GRAMD1C: variants seen among roughly 807,000 people sequenced by gnomAD.
GRAMD1C encodes the protein GRAM domain containing 1C.
Under a neutral mutation model 97.8 loss-of-function variants are expected in GRAMD1C, and 89 were observed. The ratio of observed to expected loss-of-function variants is 0.91; its 90% confidence interval spans 0.77 to 1.09. The LOEUF is 1.09. GRAMD1C is among the 50% of genes least tolerant of loss of function. The pLI is 0.00. For synonymous variants in GRAMD1C, 256 were observed against 267.0 expected (o/e 0.96, Z 0.40); for missense variants, 740 against 766.4 (o/e 0.97, Z 0.41).
intron 2 of GRAMD1C, among the ~76,000 whole-genome samples, chr3:113,849,546 AC>A (rs1933771210): frequency 6.6e-6 from 1 of 151,884 alleles, no homozygotes; most frequent in Admixed American, 6.6e-5. Context: ...CACATCTTGC[AC>A]CGCCCTTAAT....
intron 6 of GRAMD1C, among the ~76,000 whole-genome samples, chr3:113,887,865 T>G (rs370426082): frequency 6.6e-6 from 1 of 152,162 alleles, no homozygotes; most frequent in East Asian, 1.9e-4. Context: ...TATGAATAAT[T>G]GTATGCCAAC....
chr3:113,911,766 C>A (rs1936603846), intron 9 of GRAMD1C, among the ~76,000 whole-genome samples: 1 of 78,534 alleles, frequency 1.3e-5, no homozygotes, highest in Non-Finnish European at 3.0e-5. Context: ...CTTGCTCTGT[C>A]CCCTGAGCTA....
intron 2 of GRAMD1C, among the ~76,000 whole-genome samples, chr3:113,852,014 G>A (rs1452291351): frequency 6.6e-6 from 1 of 152,142 alleles, no homozygotes; most frequent in African/African-American, 2.4e-5. Context: ...GATGAGAGGT[G>A]CGTACCACCA....
intron 3 of GRAMD1C, among the ~76,000 whole-genome samples, chr3:113,872,567 G>A (rs982530718): frequency 6.7e-6 from 1 of 150,270 alleles, no homozygotes; most frequent in Non-Finnish European, 1.5e-5. Context: ...GTTAATTTTT[G>A]TATTTTTAGT....
intron 1 of GRAMD1C, among the ~76,000 whole-genome samples, chr3:113,832,937 G>A (rs1310064039): frequency 6.6e-6 from 1 of 152,028 alleles, no homozygotes; most frequent in Non-Finnish European, 1.5e-5. Flanking sequence ...GGTCTTTTCT[G>A]AGCATGTTCC....
intron 6 of GRAMD1C, among the ~76,000 whole-genome samples, chr3:113,883,428 G>A (rs1287504892): frequency 6.6e-6 from 1 of 152,012 alleles, no homozygotes; most frequent in Non-Finnish European, 1.5e-5. Flanking sequence ...GGGAGGCTGA[G>A]GTGGGAGGAT....
chr3:113,858,899 C>T (rs1934260219), intron 2 of GRAMD1C, among the ~76,000 whole-genome samples: 9 of 152,092 alleles, frequency 5.9e-5, no homozygotes, highest in Admixed American at 5.9e-4. Flanking sequence ...TTTGCTATAT[C>T]CTTTTGAGTT....
At chr3:113,901,891 A>G (rs1362557215) in intron 7 of GRAMD1C, among the ~76,000 whole-genome samples, 1 of 152,258 alleles carries the variant, frequency 6.6e-6, no homozygotes, top group Non-Finnish European at 1.5e-5. Flanking sequence ...GATTCCATGT[A>G]TGTGAAATGG....
intron 10 of GRAMD1C, among the ~76,000 whole-genome samples, chr3:113,916,872 G>A (rs570772611): frequency 1.4e-4 from 22 of 152,148 alleles, no homozygotes; most frequent in Middle Eastern, 3.2e-3. Flanking sequence ...TTTGGGGCTG[G>A]GTATGGTGGC....
chr3:113,838,739 A>G (rs1481424476), upstream of GRAMD1C: 1 of 390,430 alleles, frequency 2.6e-6, no homozygotes, highest in Non-Finnish European at 4.4e-6. Context: ...ACCCATCGTC[A>G]GGAATCCTTC....
At chr3:113,865,765 T>C (rs969902852) in intron 2 of GRAMD1C, among the ~76,000 whole-genome samples, 2 of 152,178 alleles carry the variant, frequency 1.3e-5, no homozygotes, top group Non-Finnish European at 1.5e-5. Flanking sequence ...TATTTTCCAT[T>C]ATTTTTGTGG....
intron 10 of GRAMD1C, among the ~76,000 whole-genome samples, chr3:113,924,865 G>T (rs1365198618): frequency 6.6e-6 from 1 of 152,096 alleles, no homozygotes; most frequent in Non-Finnish European, 1.5e-5. Flanking sequence ...ACTGTTAATG[G>T]GGTGTTGAAG....
rs775100010 is a variant in GRAMD1C at position 113,945,484 on chromosome 3, T to C, written c.*6T>C. The C allele has an allele frequency of 4.0e-6, 6 of 1,505,618 alleles. No homozygotes were observed. The highest frequency in any genetic ancestry group is 2.7e-5 in the African/African-American group (2 of 72,736). 93.3% of individuals were successfully genotyped at this position (1,505,618 alleles called of 1,614,324 possible). ...GCATGGCTGTTGAAAGCTAGTGATC[T>C]GAAGGACTAAAACCGCAGAGATACT... is the stretch of plus-strand genomic sequence containing the variant. On this transcript the variant is annotated 3_prime_UTR_variant, in exon 18 of 18. Coordinates refer to ENST00000358160, the MANE Select transcript of GRAMD1C (RefSeq NM_017577.5).
chr3:113,874,094 C>T (rs1934935149), intron 3 of GRAMD1C, among the ~76,000 whole-genome samples: 1 of 152,164 alleles, frequency 6.6e-6, no homozygotes, highest in Non-Finnish European at 1.5e-5. Context: ...TTAGTATTTG[C>T]TTAGACATTT....
chr3:113,913,959 T>C (rs893098810), intron 9 of GRAMD1C, among the ~76,000 whole-genome samples: 1 of 152,128 alleles, frequency 6.6e-6, no homozygotes, highest in Non-Finnish European at 1.5e-5. Flanking sequence ...AAACCAAACA[T>C]CATTTTATTT....
At chr3:113,899,266 C>G (rs577966015) in intron 6 of GRAMD1C, among the ~76,000 whole-genome samples, 1 of 152,206 alleles carries the variant, frequency 6.6e-6, no homozygotes, top group Admixed American at 6.5e-5. Context: ...CCCATTTCTC[C>G]ATTTCCCCAT....
In GRAMD1C at chr3:113,889,170, A is replaced by G. The variant is rs145728980; in HGVS notation, c.540+6338A>G. ...AGCCGAAATCGCGCTATTGCACTCC[A>G]GCCTGGGCAGTAAGAGCAAAACTCC... On this transcript the variant is annotated intron_variant, in intron 6 of 17. Coordinates refer to ENST00000358160, the MANE Select transcript of GRAMD1C (RefSeq NM_017577.5). Among the ~76,000 whole-genome samples the G allele has an allele frequency of 3.4e-3, 501 of 149,240 alleles. 2 individuals are homozygous for G. The highest frequency in any genetic ancestry group is 0.012 in the African/African-American group (477 of 40,496).
At chr3:113,927,540 C>G (rs1175170328) in intron 10 of GRAMD1C, among the ~76,000 whole-genome samples, 1 of 152,232 alleles carries the variant, frequency 6.6e-6, no homozygotes, top group Non-Finnish European at 1.5e-5. Context: ...GCACATCCTG[C>G]TCAGCTAGGA....
At chr3:113,830,749 G>A (rs1309895550) in intron 1 of GRAMD1C, among the ~76,000 whole-genome samples, 1 of 152,190 alleles carries the variant, frequency 6.6e-6, no homozygotes, top group East Asian at 1.9e-4. Context: ...TGCAATGCAT[G>A]ACTGCACTTC....
Sources: allele counts gnomAD v4.1 joint callset (sites outside exome capture counted in the v4.1 genomes callset), GRCh38; gene constraint gnomAD v4.1.1; transcripts MANE v1.5; gene names NCBI Gene and HGNC (gene_info 2026-07-23, HGNC 2026-07-21).